ANO3: variants seen among roughly 807,000 people sequenced by gnomAD.
ANO3 encodes the protein anoctamin-3.
In ANO3, 99 loss-of-function variants were observed where a neutral mutation model predicts 144.8. The ratio of observed to expected loss-of-function variants is 0.68; its 90% CI spans 0.58 to 0.81. ANO3 has a LOEUF of 0.81. ANO3 is among the 30% of genes least tolerant of loss of function. ANO3 has a pLI of 0.00. For missense variants in ANO3, 905 were observed against 1,202.2 expected (o/e 0.75, Z 3.66); for synonymous variants, 414 against 392.6 (o/e 1.05, Z -0.64).
intron 1 of ANO3, among the ~76,000 whole-genome samples, chr11:26,211,358 G>A (rs756046825): frequency 7.9e-5 from 12 of 152,052 alleles, no homozygotes; most frequent in East Asian, 1.9e-4. Flanking sequence ...AGCTAATGCC[G>A]TGTTTAGAGG....
At chr11:26,619,163 G>A (rs1443435212) in intron 17 of ANO3, among the ~76,000 whole-genome samples, 3 of 152,058 alleles carry the variant, frequency 2.0e-5, no homozygotes, top group Non-Finnish European at 4.4e-5. Flanking sequence ...CTTACTGTAT[G>A]TGCTCAAAAT....
rs182759560 is a variant in ANO3, at chr11:26,326,326, A to C, written c.-3+16607A>C. 2.3e-4 allele frequency among the ~76,000 whole-genome samples: 35 copies of C among 152,262 alleles called. No homozygotes were observed. In the East Asian group the frequency reaches 6.4e-3, roughly 28 times the overall value. ...ACTCTATGAATGAATGGACAATAAA[A>C]TTAAGGTATCAGTAAGCAAAATGAA... On this transcript the variant is annotated intron_variant, in intron 1 of 26. Transcript: ENST00000525139.
At chr11:26,642,169 C>G in intron 22 of ANO3, 140 bp downstream of exon 22, 4 of 871,346 alleles carry the variant, frequency 4.6e-6, no homozygotes, top group Non-Finnish European at 6.9e-6. Flanking sequence ...ACCTTCATCT[C>G]AAGGAGCTAG....
intron 1 of ANO3, 120 bp downstream of exon 1, chr11:26,332,441 A>C (rs1855076728): frequency 3.9e-6 from 3 of 760,622 alleles, no homozygotes; most frequent in Non-Finnish European, 6.0e-6. Flanking sequence ...AACTCTGTGA[A>C]GTTAAAAAAA....
Position 26,660,707 on chromosome 11 carries a change from T to G in ANO3, c.*263T>G. 2.8e-6 allele frequency: 1 copy of G among 360,050 alleles called. No individual in the cohort carries two copies. Among genetic ancestry groups the G allele is most frequent in the Non-Finnish European group, 5.0e-6 (1 of 201,570 alleles). The allele number at this position is 360,050 out of a possible 1,614,324, so 22.3% of individuals were successfully genotyped here. On this transcript the variant is annotated 3_prime_UTR_variant, in exon 27 of 27. Transcript: ENST00000256737. ...ATTCTCAGAACCAGTCTCAGGGAGA[T>G]ATATGCTTGGAGAACTCTGCCTTCC...
At chr11:26,334,006 T>A (rs1051443974) in intron 1 of ANO3, among the ~76,000 whole-genome samples, 2 of 152,182 alleles carry the variant, frequency 1.3e-5, no homozygotes, top group Admixed American at 1.3e-4. Context: ...AAGCTTCAAA[T>A]GGCCCCCACA....
chr11:26,281,598 A>G (rs888574242), intron 1 of ANO3, among the ~76,000 whole-genome samples: 11 of 152,208 alleles, frequency 7.2e-5, no homozygotes, highest in Non-Finnish European at 1.2e-4. Context: ...CTATTTGTGG[A>G]AGTAGGAGTC....
intron 17 of ANO3, among the ~76,000 whole-genome samples, chr11:26,603,500 A>T (rs1851853869): frequency 6.6e-6 from 1 of 152,080 alleles, no homozygotes; most frequent in Non-Finnish European, 1.5e-5. Context: ...GTAGATATTA[A>T]AAAAGAGACC....
intron 1 of ANO3, among the ~76,000 whole-genome samples, chr11:26,411,620 A>G (rs1857435028): frequency 6.6e-6 from 1 of 151,966 alleles, no homozygotes; most frequent in African/African-American, 2.4e-5. Context: ...TCTCCAAGTG[A>G]CATGCTAGCA....
intron 1 of ANO3, among the ~76,000 whole-genome samples, chr11:26,373,492 A>G (rs115870056): frequency 0.035 from 5,333 of 152,246 alleles, 178 homozygotes; most frequent in African/African-American, 0.084. Context: ...GTGTCAATTA[A>G]ACTGCTTTTC....
chr11:26,642,394 C>G (rs113682567), intron 22 of ANO3, among the ~76,000 whole-genome samples: 1 of 132,920 alleles, frequency 7.5e-6, no homozygotes, highest in Non-Finnish European at 1.5e-5. Flanking sequence ...TTCTGTCAAC[C>G]AGGCTGGAGT....
At chr11:26,397,543 G>T (rs1037606976) in intron 1 of ANO3, among the ~76,000 whole-genome samples, 4 of 151,948 alleles carry the variant, frequency 2.6e-5, no homozygotes, top group African/African-American at 9.7e-5. Flanking sequence ...ACAATATTTT[G>T]TATAATTTTT....
At chr11:26,190,543 A>G (rs1851454691) in intron 1 of ANO3, among the ~76,000 whole-genome samples, 1 of 152,210 alleles carries the variant, frequency 6.6e-6, no homozygotes, top group South Asian at 2.1e-4. Flanking sequence ...TTGGTTAGAA[A>G]AATAGTTTAA....
intron 1 of ANO3, among the ~76,000 whole-genome samples, chr11:26,413,885 T>A (rs1857498163): frequency 6.6e-6 from 1 of 152,056 alleles, no homozygotes; most frequent in African/African-American, 2.4e-5. Context: ...AGAAATTGAA[T>A]GAAGGTTAAA....
At chr11:26,267,962 C>T (rs1308451939) in intron 1 of ANO3, among the ~76,000 whole-genome samples, 1 of 152,004 alleles carries the variant, frequency 6.6e-6, no homozygotes, top group Non-Finnish European at 1.5e-5. Context: ...CCAAAGTAAT[C>T]TGTGAATAAG....
chr11:26,580,800 C>T (rs1851108355), intron 14 of ANO3, among the ~76,000 whole-genome samples: 1 of 151,944 alleles, frequency 6.6e-6, no homozygotes, highest in African/African-American at 2.4e-5. Flanking sequence ...CTCTAACAGA[C>T]CAATGCAAAG....
chr11:26,639,231 C>A lies in ANO3; in HGVS notation c.2131C>A (p.Leu711Ile). 6.2e-7 allele frequency: 1 copy of A among 1,612,286 alleles called. No individual in the cohort carries two copies. The highest frequency in any genetic ancestry group is 8.5e-7 in the Non-Finnish European group (1 of 1,178,540). ...GCAAATATGGAACAACTTCATGGAA[C>A]TAGGATACCCGTGAGCACATTATTT... ...LKQIWNNFME[L>I]GYPLIQNWWS... The change falls in exon 21 of 27, where the codon CTA (leucine) becomes ATA (isoleucine). Residue 711 changes from leucine (L) to isoleucine (I), a missense_variant. Leu to Ile is a conservative substitution (Grantham distance 5). Around this residue, in one of 4 missense-constraint regions of ANO3, gnomAD observed 597 missense variants for 865.1 expected, o/e 0.69. Coordinates refer to ENST00000256737, the MANE Select transcript of ANO3 (RefSeq NM_031418.4).
intron 14 of ANO3, among the ~76,000 whole-genome samples, chr11:26,589,407 A>G (rs1420561695): frequency 7.0e-6 from 1 of 143,848 alleles, no homozygotes; most frequent in African/African-American, 2.6e-5. Flanking sequence ...TCAGTACCCC[A>G]ATTTTCTTTT....
chr11:26,362,972 C>G (rs1457769016), intron 1 of ANO3, among the ~76,000 whole-genome samples: 1 of 152,112 alleles, frequency 6.6e-6, no homozygotes, highest in Non-Finnish European at 1.5e-5. Flanking sequence ...ATGTGTCAGT[C>G]AAGAACAAAC....
Sources: allele counts gnomAD v4.1 joint callset (sites outside exome capture counted in the v4.1 genomes callset), GRCh38; gene constraint gnomAD v4.1.1; regional missense constraint gnomAD v4.1.1; transcripts MANE v1.5; gene names NCBI Gene and HGNC (gene_info 2026-07-23, HGNC 2026-07-21).